The following PTPRD variants were observed in gnomAD, a reference collection of about 807,000 sequenced individuals.
PTPRD encodes protein tyrosine phosphatase receptor type D.
PTPRD carries 34 observed loss-of-function variants against 214.5 expected under a neutral mutation model. That is an observed-to-expected ratio of 0.16 (90% CI 0.12 to 0.21). PTPRD has a LOEUF of 0.21. PTPRD is among the 10% of genes least tolerant of loss of function. PTPRD has a pLI of 1.00. For synonymous variants in PTPRD, 1,128 were observed against 845.7 expected, an observed-to-expected ratio of 1.33 and a Z score of -5.79; for missense variants, 2,545 against 2,398.7, an observed-to-expected ratio of 1.06 and a Z score of -1.27.
At chr9:8,318,210 G>C (rs1012465285) in intron 45 of PTPRD, among the ~76,000 whole-genome samples, 1 of 151,860 alleles carries the variant, frequency 6.6e-6, no homozygotes, top group Admixed American at 6.6e-5. Context: ...TACCTTCCCA[G>C]ACAAGTGTTT....
At chr9:9,584,090 G>T (rs769335614) in intron 7 of PTPRD, among the ~76,000 whole-genome samples, 44 of 151,934 alleles carry the variant, frequency 2.9e-4, no homozygotes, top group Non-Finnish European at 2.1e-4. Flanking sequence ...TGCCTTGTTA[G>T]AAATACAGAA....
chr9:9,910,916 G>T lies in PTPRD; in HGVS notation c.-368+27591C>A, dbSNP rs72692732. ...CCAACAATCATTACATTATGGGCTC[G>T]AGTAGCGTAGTTCTCATTCCAGTGG... On this transcript the variant is annotated intron_variant, in intron 5 of 45. Transcript: ENST00000381196. Among the ~76,000 whole-genome samples, 1,200 of 152,054 alleles carry T rather than the reference G, an allele frequency of 7.9e-3. 7 individuals carry two copies. Among genetic ancestry groups the T allele is most frequent in the Non-Finnish European group, 0.014 (948 of 67,916 alleles).
At chr9:8,858,818 C>T (rs1316902844) in intron 11 of PTPRD, among the ~76,000 whole-genome samples, 32 of 146,538 alleles carry the variant, frequency 2.2e-4, no homozygotes, top group African/African-American at 8.1e-4. Context: ...CACACACACA[C>T]ACACACACAC....
intron 12 of PTPRD, among the ~76,000 whole-genome samples, chr9:8,662,094 G>A (rs1010007459): frequency 6.6e-6 from 1 of 151,746 alleles, no homozygotes; most frequent in Non-Finnish European, 1.5e-5. Context: ...TTTTTGTTTT[G>A]TTTTTCATAG....
At chr9:10,143,954 T>A (rs970707825) in intron 3 of PTPRD, among the ~76,000 whole-genome samples, 3 of 152,096 alleles carry the variant, frequency 2.0e-5, no homozygotes, top group African/African-American at 7.2e-5. Flanking sequence ...TTAGGTACAA[T>A]GCTCACTATC....
At chr9:10,113,696 T>C (rs1339717407) in intron 3 of PTPRD, among the ~76,000 whole-genome samples, 1 of 152,094 alleles carries the variant, frequency 6.6e-6, no homozygotes, top group Non-Finnish European at 1.5e-5. Context: ...AAACACCAAA[T>C]GGGGTAATTT....
At chr9:9,867,248 A>C (rs1484398890) in intron 5 of PTPRD, among the ~76,000 whole-genome samples, 1 of 152,142 alleles carries the variant, frequency 6.6e-6, no homozygotes, top group Non-Finnish European at 1.5e-5. Flanking sequence ...TAGTTGGCTT[A>C]CTCAAAGATA....
chr9:9,725,470 G>T (rs1240602000), intron 7 of PTPRD, among the ~76,000 whole-genome samples: 7 of 152,098 alleles, frequency 4.6e-5, no homozygotes, highest in Non-Finnish European at 1.0e-4. Flanking sequence ...TATCAAGAGT[G>T]TGAAAATGGA....
Position 9,351,063 on chromosome 9 carries a change from G to A in PTPRD, c.-203+46386C>T, listed in dbSNP as rs1048112703. Among the ~76,000 whole-genome samples the A allele has an allele frequency of 4.6e-5, 7 of 152,044 alleles. No homozygotes were observed. The East Asian group carries it at 1.4e-3, about 30-fold the overall frequency. On this transcript the variant is annotated intron_variant, in intron 9 of 45. Coordinates refer to ENST00000381196, the MANE Select transcript of PTPRD (RefSeq NM_002839.4). ...GTCAAGTCTCAATTACCTTTGGCTT[G>A]GGGAATAGGGTTACATGAACACTTG...
At chr9:10,145,139 T>C (rs1344671849) in intron 3 of PTPRD, among the ~76,000 whole-genome samples, 1 of 152,146 alleles carries the variant, frequency 6.6e-6, no homozygotes, top group East Asian at 1.9e-4. Flanking sequence ...TTAGATTACA[T>C]TTTAATAACT....
chr9:10,143,180 C>G (rs893184872), intron 3 of PTPRD, among the ~76,000 whole-genome samples: 6 of 151,844 alleles, frequency 4.0e-5, no homozygotes, highest in Admixed American at 1.3e-4. Flanking sequence ...TGCTAGATGA[C>G]GAGTTAGTGG....
chr9:9,402,457 G>A (rs1272526561), intron 8 of PTPRD, among the ~76,000 whole-genome samples: 2 of 152,048 alleles, frequency 1.3e-5, no homozygotes, highest in African/African-American at 4.8e-5. Context: ...TTCCTGTGTT[G>A]TTACCTCATA....
intron 11 of PTPRD, among the ~76,000 whole-genome samples, chr9:8,772,870 C>T (rs1482257056): frequency 1.3e-5 from 2 of 151,900 alleles, no homozygotes; most frequent in African/African-American, 2.4e-5. Flanking sequence ...AATATTCTTG[C>T]TTTTTGTTCT....
At chr9:10,134,758 G>C (rs966329204) in intron 3 of PTPRD, among the ~76,000 whole-genome samples, 1 of 152,122 alleles carries the variant, frequency 6.6e-6, no homozygotes, top group Admixed American at 6.6e-5. Context: ...TAAGGGAACA[G>C]CATCCTTCTC....
chr9:8,931,772 C>T (rs758787181), intron 11 of PTPRD, among the ~76,000 whole-genome samples: 36 of 152,052 alleles, frequency 2.4e-4, no homozygotes, highest in African/African-American at 8.4e-4. Flanking sequence ...TGGTAAAATT[C>T]GGCTATGAAT....
At chr9:10,072,484 T>C (rs1442269506) in intron 3 of PTPRD, among the ~76,000 whole-genome samples, 1 of 152,020 alleles carries the variant, frequency 6.6e-6, no homozygotes, top group Non-Finnish European at 1.5e-5. Flanking sequence ...CAAGATTTAT[T>C]GTGAAGGTCG....
chr9:10,467,699 G>C (rs1680340059), intron 2 of PTPRD, among the ~76,000 whole-genome samples: 1 of 152,112 alleles, frequency 6.6e-6, no homozygotes. Flanking sequence ...CAACACAATA[G>C]AGATGCAAAT....
intron 8 of PTPRD, among the ~76,000 whole-genome samples, chr9:9,456,212 T>C (rs2092975978): frequency 6.6e-6 from 1 of 151,908 alleles, no homozygotes; most frequent in South Asian, 2.1e-4. Flanking sequence ...TCAGTTTTAA[T>C]CATCTCTGTA....
At chr9:9,536,862 C>T (rs1179424230) in intron 8 of PTPRD, among the ~76,000 whole-genome samples, 1 of 151,944 alleles carries the variant, frequency 6.6e-6, no homozygotes, top group Admixed American at 6.6e-5. Flanking sequence ...TTTCTTGTCG[C>T]AAGAGAAAAG....
Sources: gnomAD v4.1 joint callset for allele counts (sites outside exome capture counted in the v4.1 genomes callset) on GRCh38, gnomAD v4.1.1 for gene constraint, MANE v1.5 for transcripts, NCBI Gene and HGNC (gene_info 2026-07-23, HGNC 2026-07-21) for gene names.